CFAP92: variants seen among roughly 807,000 people sequenced by gnomAD.
CFAP92 encodes the protein cilia and flagella associated protein 92 (putative), also known as uncharacterized protein CFAP92.
CFAP92 carries 86 observed loss-of-function variants against 106.3 expected under a neutral mutation model. The ratio of observed to expected loss-of-function variants is 0.81; its 90% CI spans 0.68 to 0.97. The LOEUF (loss-of-function observed/expected upper bound fraction) is 0.97, where lower values mean the gene tolerates loss of function less well. CFAP92 is among the 50% of genes least tolerant of loss of function. The pLI is 0.00. For missense variants in CFAP92, 1,204 were observed against 1,283.8 expected (o/e 0.94, Z 0.95); for synonymous variants, 477 against 506.4 (o/e 0.94, Z 0.78).
At chr3:128,989,586 C>A (rs1944088149) in intron 2 of CFAP92, among the ~76,000 whole-genome samples, 1 of 152,110 alleles carries the variant, frequency 6.6e-6, no homozygotes, top group Non-Finnish European at 1.5e-5. Flanking sequence ...GCCCAAGGAG[C>A]CCCCTGACCC....
chr3:128,937,468 C>T (rs367580591), intron 10 of CFAP92, among the ~76,000 whole-genome samples: 5 of 151,786 alleles, frequency 3.3e-5, no homozygotes, highest in African/African-American at 9.7e-5. Context: ...GGCGCAGTGG[C>T]GGGTGCCTGT....
chr3:128,910,778 T>C (rs1936205244), intron 15 of CFAP92: 2 of 1,614,192 alleles, frequency 1.2e-6, no homozygotes, highest in Non-Finnish European at 1.7e-6. Flanking sequence ...GAAGCTTACT[T>C]GCAGAATCTC....
At chr3:128,965,309 G>A (rs1448199337) in intron 9 of CFAP92, among the ~76,000 whole-genome samples, 2 of 151,916 alleles carry the variant, frequency 1.3e-5, no homozygotes, top group African/African-American at 2.4e-5. Flanking sequence ...CTCTCTTTTC[G>A]GACTCAGCCC....
At chr3:128,940,722 T>A (rs568104068) in intron 10 of CFAP92, among the ~76,000 whole-genome samples, 8 of 152,186 alleles carry the variant, frequency 5.3e-5, no homozygotes, top group Non-Finnish European at 1.2e-4. Context: ...AATACCACAC[T>A]ATCTTAATGA....
In CFAP92 at chr3:129,001,616, G is replaced by A. The variant is rs1387018945; in HGVS notation, n.117+958C>T. On this transcript the variant is annotated intron_variant and non_coding_transcript_variant, in intron 1 of 4. Coordinates refer to the CFAP92 transcript ENST00000510149. ...GGAGGAGGGACCGGAGGAGCGAGGC[G>A]CGCGGCGCAGCGATGGAGCCGGTCA... is the stretch of plus-strand genomic sequence containing the variant. 2.0e-5 allele frequency: 27 copies of A among 1,351,056 alleles called. No homozygotes were observed. In the East Asian group the frequency reaches 5.2e-4, roughly 26 times the overall value. 83.7% of individuals were successfully genotyped at this position (1,351,056 alleles called of 1,614,324 possible).
At chr3:128,911,368 AT>A (rs1247927301) in intron 15 of CFAP92, among the ~76,000 whole-genome samples, 3 of 151,138 alleles carry the variant, frequency 2.0e-5, no homozygotes, top group African/African-American at 7.3e-5. Context: ...TGCCAAGGCA[AT>A]TTTAGATTGA....
At chr3:128,917,264 G>T (rs192255528) in intron 12 of CFAP92, among the ~76,000 whole-genome samples, 52 of 152,290 alleles carry the variant, frequency 3.4e-4, no homozygotes, top group African/African-American at 1.2e-3. Flanking sequence ...TGTCCTTAGT[G>T]GGGGAGTTGA....
chr3:128,950,157 C>T (rs1332893379), intron 9 of CFAP92, among the ~76,000 whole-genome samples: 2 of 152,194 alleles, frequency 1.3e-5, no homozygotes, highest in African/African-American at 4.8e-5. Context: ...ACCAAATGCT[C>T]ACTGCTTAGT....
chr3:128,924,253 T>C (rs1937521417), intron 12 of CFAP92, among the ~76,000 whole-genome samples: 2 of 152,006 alleles, frequency 1.3e-5, no homozygotes, highest in South Asian at 4.2e-4. Context: ...CACCAAGCTC[T>C]GTGCCAAAGG....
chr3:128,912,446 G>C, intron 15 of CFAP92: 1 of 1,501,920 alleles, frequency 6.7e-7, no homozygotes, highest in Non-Finnish European at 9.2e-7. Context: ...CCCCACTTCA[G>C]CCATGTTTGT....
chr3:128,923,900 A>C (rs1454604485), intron 12 of CFAP92, among the ~76,000 whole-genome samples: 2 of 152,166 alleles, frequency 1.3e-5, no homozygotes, highest in African/African-American at 2.4e-5. Context: ...CCTGGAACTG[A>C]TATTTTGAAC....
intron 10 of CFAP92, among the ~76,000 whole-genome samples, chr3:128,942,129 T>C (rs909982045): frequency 4.6e-5 from 7 of 152,206 alleles, no homozygotes; most frequent in African/African-American, 1.7e-4. Flanking sequence ...GACCGCCCTC[T>C]GGTTTGATAA....
chr3:128,994,358 G>T (rs1944400673), upstream of CFAP92, among the ~76,000 whole-genome samples: 1 of 152,196 alleles, frequency 6.6e-6, no homozygotes, highest in South Asian at 2.1e-4. Flanking sequence ...GGGAGGTAGG[G>T]GTTGATGGCT....
At chr3:128,913,187 C>T in intron 15 of CFAP92, 1 of 391,626 alleles carries the variant, frequency 2.6e-6, no homozygotes, top group Non-Finnish European at 5.1e-6. Flanking sequence ...CTGAGAACCA[C>T]CCTTTGGTGA....
At chr3:128,995,569 T>G (rs1455281205), upstream of CFAP92, among the ~76,000 whole-genome samples, 1 of 152,154 alleles carries the variant, frequency 6.6e-6, no homozygotes, top group Non-Finnish European at 1.5e-5. Flanking sequence ...ACCACCACTC[T>G]TGGACAGACA....
intron 8 of CFAP92, chr3:128,967,752 A>C (rs1205669618): frequency 1.3e-5 from 2 of 152,182 alleles, no homozygotes; most frequent in African/African-American, 4.8e-5. Flanking sequence ...CATTGCAAAA[A>C]TAAAAATAAA....
intron 9 of CFAP92, among the ~76,000 whole-genome samples, chr3:128,961,748 ATC>A (rs1941940382): frequency 6.6e-6 from 1 of 152,276 alleles, no homozygotes. Flanking sequence ...TTATTACCCA[ATC>A]TGCTCCCGAC....
chr3:129,021,073 TG>T, the CFAP92 span, among the ~76,000 whole-genome samples: 1 of 152,132 alleles, frequency 6.6e-6, no homozygotes, highest in Non-Finnish European at 1.5e-5. Context: ...CCTCAGTGAC[TG>T]GAAGGGTGGT....
intron 4 of CFAP92, among the ~76,000 whole-genome samples, chr3:128,983,374 G>C (rs539978194): frequency 1.3e-5 from 2 of 152,306 alleles, no homozygotes; most frequent in African/African-American, 4.8e-5. Flanking sequence ...TTTAAGGAGG[G>C]CAGTAACATT....
Sources: allele counts gnomAD v4.1 joint callset (sites outside exome capture counted in the v4.1 genomes callset), GRCh38; gene constraint gnomAD v4.1.1; transcripts MANE v1.5; gene names NCBI Gene and HGNC (gene_info 2026-07-23, HGNC 2026-07-21).